Variants in MACROD2 observed in about 807,000 individuals in gnomAD.
The protein encoded by MACROD2 is ADP-ribose glycohydrolase MACROD2.
Under a neutral mutation model 70.4 loss-of-function variants are expected in MACROD2, and 36 were observed. The observed-to-expected ratio is 0.51, with a 90% CI of 0.39 to 0.68. The LOEUF is 0.68. MACROD2 is among the 30% of genes least tolerant of loss of function. The pLI is 0.00. For missense variants in MACROD2, 496 were observed against 538.4 expected, an observed-to-expected ratio of 0.92 and a Z score of 0.78; for synonymous variants, 172 against 178.8, an observed-to-expected ratio of 0.96 and a Z score of 0.30.
At chr20:14,359,459 A>G (rs956664374) in intron 3 of MACROD2, among the ~76,000 whole-genome samples, 2 of 152,232 alleles carry the variant, frequency 1.3e-5, no homozygotes, top group African/African-American at 4.8e-5. Context: ...ATCAATCCCA[A>G]TACTAGGTAT....
At chr20:14,434,593 A>G (rs537690138) in intron 3 of MACROD2, among the ~76,000 whole-genome samples, 18 of 152,316 alleles carry the variant, frequency 1.2e-4, no homozygotes, top group Middle Eastern at 3.4e-3. Context: ...AAGGTGAGTC[A>G]AGCACATTGC....
At chr20:14,226,628 G>T (rs967372602) in intron 3 of MACROD2, among the ~76,000 whole-genome samples, 2 of 152,182 alleles carry the variant, frequency 1.3e-5, no homozygotes, top group Non-Finnish European at 2.9e-5. Flanking sequence ...GCCAGCCCGG[G>T]CAATGAGGGG....
At chr20:14,545,107 G>T (rs1450295815) in intron 4 of MACROD2, among the ~76,000 whole-genome samples, 1 of 152,182 alleles carries the variant, frequency 6.6e-6, no homozygotes, top group Non-Finnish European at 1.5e-5. Context: ...GAGATGAAAT[G>T]TAAGTGTAGC....
intron 4 of MACROD2, among the ~76,000 whole-genome samples, chr20:14,584,535 G>T (rs957118131): frequency 1.3e-5 from 2 of 151,954 alleles, no homozygotes; most frequent in African/African-American, 4.8e-5. Context: ...AGAGAAAAAG[G>T]GCTATTCTTC....
intron 5 of MACROD2, among the ~76,000 whole-genome samples, chr20:14,913,612 A>G (rs1315993860): frequency 6.6e-6 from 1 of 152,138 alleles, no homozygotes; most frequent in Non-Finnish European, 1.5e-5. Context: ...ATTTGACCCC[A>G]GGAGTTTGAG....
At chr20:14,689,921 G>A (rs1046352524) in intron 5 of MACROD2, among the ~76,000 whole-genome samples, 8 of 152,124 alleles carry the variant, frequency 5.3e-5, no homozygotes, top group Non-Finnish European at 8.8e-5. Context: ...ATAATTGGTA[G>A]TAGGTGGAAT....
At chr20:15,042,324 G>A (rs997806475) in intron 5 of MACROD2, among the ~76,000 whole-genome samples, 1 of 152,166 alleles carries the variant, frequency 6.6e-6, no homozygotes, top group African/African-American at 2.4e-5. Context: ...TGTGCAAAAG[G>A]GAGGTGGAAT....
intron 4 of MACROD2, among the ~76,000 whole-genome samples, chr20:14,556,248 G>A (rs1434104620): frequency 5.9e-5 from 9 of 151,862 alleles, no homozygotes; most frequent in Non-Finnish European, 8.8e-5. Context: ...CATTCCTTCC[G>A]GGTTCTCTCC....
intron 3 of MACROD2, among the ~76,000 whole-genome samples, chr20:14,359,480 G>T (rs2083202548): frequency 6.6e-6 from 1 of 152,138 alleles, no homozygotes; most frequent in Non-Finnish European, 1.5e-5. Flanking sequence ...ATATCCAAAA[G>T]AAATGAAATC....
intron 5 of MACROD2, among the ~76,000 whole-genome samples, chr20:15,174,358 G>A (rs1489803252): frequency 1.3e-5 from 2 of 152,138 alleles, no homozygotes; most frequent in Admixed American, 6.5e-5. Context: ...AAATATATGA[G>A]CATAAAAGAT....
intron 5 of MACROD2, among the ~76,000 whole-genome samples, chr20:15,095,263 G>A (rs1485280041): frequency 4.6e-5 from 7 of 151,232 alleles, no homozygotes; most frequent in African/African-American, 1.7e-4. Context: ...TTTTAGTAGA[G>A]ATGGGGTTTC....
intron 7 of MACROD2, among the ~76,000 whole-genome samples, chr20:15,474,392 G>A (rs762950993): frequency 5.3e-5 from 8 of 152,164 alleles, no homozygotes; most frequent in East Asian, 3.9e-4. Flanking sequence ...CTTGCACAGC[G>A]TTGACATCTG....
Position 14,326,661 on chromosome 20 carries a change from G to T in MACROD2, c.272-166818G>T. The T allele has an allele frequency of 1.2e-6, 2 of 1,613,708 alleles. No homozygotes were observed. The highest frequency in any genetic ancestry group is 1.7e-6 in the Non-Finnish European group (2 of 1,179,812). ...AGATACCCTGAGGTAAATTACTTAG[G>T]TTATTATTGGACATATCCAGTCGAT... On this transcript the variant is annotated intron_variant, in intron 3 of 17. Transcript: ENST00000684519. The surrounding 1 kb of genome is among the most constrained non-coding windows in gnomAD (Gnocchi z 5.5).
chr20:14,517,997 C>G (rs1175865684), intron 4 of MACROD2, among the ~76,000 whole-genome samples: 1 of 151,868 alleles, frequency 6.6e-6, no homozygotes, highest in African/African-American at 2.4e-5. Context: ...TTTTGACTTT[C>G]TATTCATTAA....
intron 5 of MACROD2, among the ~76,000 whole-genome samples, chr20:15,169,869 A>G (rs2076411090): frequency 6.6e-6 from 1 of 152,002 alleles, no homozygotes; most frequent in East Asian, 1.9e-4. Context: ...TTATTTATTG[A>G]TGACTTTCCT....
At chr20:15,036,007 G>A (rs2075310170) in intron 5 of MACROD2, among the ~76,000 whole-genome samples, 1 of 152,072 alleles carries the variant, frequency 6.6e-6, no homozygotes, top group South Asian at 2.1e-4. Context: ...AGGATGGTCT[G>A]CCTACTTGAA....
chr20:15,058,255 G>A (rs1028378820), intron 5 of MACROD2, among the ~76,000 whole-genome samples: 2 of 152,122 alleles, frequency 1.3e-5, no homozygotes, highest in Non-Finnish European at 2.9e-5. Flanking sequence ...TTATTTGAAA[G>A]CTGGCTTCAT....
chr20:14,168,544 T>C (rs764438829), intron 3 of MACROD2, among the ~76,000 whole-genome samples: 9 of 152,206 alleles, frequency 5.9e-5, no homozygotes, highest in Admixed American at 2.0e-4. Flanking sequence ...TGTTACAATA[T>C]TGAACCAATA....
At position 15,703,257 on chromosome 20, in the gene MACROD2, A is replaced by G. The variant is rs530770731; in HGVS notation, c.646-159488A>G. On this transcript the variant is annotated intron_variant, in intron 8 of 17. Transcript: ENST00000684519. ...TCTGTTCTAATTATTCCACATTGTG[A>G]CACCAAACCATGACCACTACTATAT... is the stretch of plus-strand genomic sequence containing the variant. Among the ~76,000 whole-genome samples the G allele has an allele frequency of 5.3e-5, 8 of 152,326 alleles. No homozygotes were observed. In the South Asian group the frequency reaches 1.7e-3, roughly 32 times the overall value.
Sources: allele counts gnomAD v4.1 joint callset (sites outside exome capture counted in the v4.1 genomes callset), GRCh38; gene constraint gnomAD v4.1.1; non-coding constraint Gnocchi (gnomAD v3.1); transcripts MANE v1.5; gene names NCBI Gene and HGNC (gene_info 2026-07-23, HGNC 2026-07-21).